Variants in DRC8 observed in about 807,000 individuals in gnomAD.
The protein encoded by DRC8 is dynein regulatory complex subunit 8.
chr1:245,089,387 A>G, the DRC8 span, among the ~76,000 whole-genome samples: 1 of 152,060 alleles, frequency 6.6e-6, no homozygotes, highest in Non-Finnish European at 1.5e-5. The surrounding 1 kb of genome is among the most constrained non-coding windows in gnomAD (Gnocchi z 4.8). Flanking sequence ...CTAGAACAAA[A>G]CCATGGGGGA....
chr1:245,002,567 C>T, the DRC8 span, among the ~76,000 whole-genome samples: 39 of 152,164 alleles, frequency 2.6e-4, no homozygotes, highest in South Asian at 6.2e-4. Context: ...TTCTGTTGCC[C>T]GAGCTGAAGT....
chr1:245,052,106 T>C, the DRC8 span, among the ~76,000 whole-genome samples: 130 of 152,132 alleles, frequency 8.5e-4, 1 homozygote, highest in Non-Finnish European at 1.7e-3. Flanking sequence ...ACTTTGGAGC[T>C]TGAGGCAAGA....
At chr1:245,109,782 C>T in the DRC8 span, among the ~76,000 whole-genome samples, 1 of 152,192 alleles carries the variant, frequency 6.6e-6, no homozygotes, top group Non-Finnish European at 1.5e-5. Context: ...GGAGACCCGG[C>T]TCTCTGCTAC....
the DRC8 span, among the ~76,000 whole-genome samples, chr1:244,982,107 G>A: frequency 6.6e-6 from 1 of 152,146 alleles, no homozygotes; most frequent in South Asian, 2.1e-4. Flanking sequence ...TTAAGGACAA[G>A]TTCTTAGGGA....
the DRC8 span, among the ~76,000 whole-genome samples, chr1:245,090,285 C>G: frequency 6.6e-6 from 1 of 152,136 alleles, no homozygotes; most frequent in African/African-American, 2.4e-5. Context: ...CCTAAAAGGG[C>G]AAGTGGCTGG....
the DRC8 span, among the ~76,000 whole-genome samples, chr1:245,074,459 C>A: frequency 1.3e-5 from 2 of 152,138 alleles, no homozygotes; most frequent in Admixed American, 6.5e-5. Flanking sequence ...CCTGAAGCCC[C>A]ACCCTCAGAG....
the DRC8 span, among the ~76,000 whole-genome samples, chr1:244,992,848 A>G: frequency 6.6e-6 from 1 of 152,192 alleles, no homozygotes; most frequent in African/African-American, 2.4e-5. Context: ...AGCAGCTAAA[A>G]CCCACAAATA....
At chr1:245,006,375 G>T in the DRC8 span, among the ~76,000 whole-genome samples, 5 of 151,882 alleles carry the variant, frequency 3.3e-5, no homozygotes, top group Non-Finnish European at 5.9e-5. Flanking sequence ...GCAATGGTGC[G>T]ATCTCCACTT....
chr1:245,076,951 T>C, the DRC8 span, among the ~76,000 whole-genome samples: 2 of 152,272 alleles, frequency 1.3e-5, no homozygotes, highest in East Asian at 3.9e-4. Context: ...GGTCTCGATC[T>C]CCTGACCTCG....
At chr1:245,033,517 C>T in the DRC8 span, among the ~76,000 whole-genome samples, 1 of 152,202 alleles carries the variant, frequency 6.6e-6, no homozygotes, top group East Asian at 1.9e-4. Context: ...GATTATCTTT[C>T]TCTTTACAGC....
At chr1:245,104,458 T>A in the DRC8 span, among the ~76,000 whole-genome samples, 3 of 150,480 alleles carry the variant, frequency 2.0e-5, no homozygotes, top group African/African-American at 7.4e-5. Context: ...GAGCGGAGAT[T>A]GCGCCACTGC....
the DRC8 span, among the ~76,000 whole-genome samples, chr1:244,981,665 A>G: frequency 1.3e-5 from 2 of 152,100 alleles, no homozygotes; most frequent in Non-Finnish European, 2.9e-5. Flanking sequence ...AATTTTGACA[A>G]ATTGGTGGAG....
At chr1:245,064,643 A>G in the DRC8 span, among the ~76,000 whole-genome samples, 4 of 152,174 alleles carry the variant, frequency 2.6e-5, no homozygotes, top group African/African-American at 4.8e-5. Flanking sequence ...TTTGAAAGTG[A>G]TTATGCTAAT....
the DRC8 span, among the ~76,000 whole-genome samples, chr1:244,996,417 C>T: frequency 1.3e-5 from 2 of 151,952 alleles, no homozygotes; most frequent in African/African-American, 2.4e-5. Context: ...AGCCAGGAGG[C>T]GGGAATCACT....
the DRC8 span, among the ~76,000 whole-genome samples, chr1:245,006,513 C>T: frequency 5.3e-5 from 8 of 152,110 alleles, no homozygotes; most frequent in African/African-American, 1.9e-4. Context: ...TCATGTTGGC[C>T]AGGCTGGTTT....
chr1:245,092,084 C>A, the DRC8 span, among the ~76,000 whole-genome samples: 9 of 152,352 alleles, frequency 5.9e-5, no homozygotes, highest in East Asian at 1.7e-3. Context: ...CGATCTTGTG[C>A]TCTGATCCCA....
the DRC8 span, among the ~76,000 whole-genome samples, chr1:245,019,714 G>A: frequency 6.6e-6 from 1 of 152,072 alleles, no homozygotes; most frequent in Non-Finnish European, 1.5e-5. Context: ...AGGCCAAGGT[G>A]GGTGGCTCAC....
the DRC8 span, among the ~76,000 whole-genome samples, chr1:245,108,157 C>T: frequency 2.0e-5 from 3 of 152,156 alleles, no homozygotes; most frequent in Non-Finnish European, 4.4e-5. Flanking sequence ...CTCTCTTTCC[C>T]TCCCTCCACC....
the DRC8 span, among the ~76,000 whole-genome samples, chr1:245,106,747 A>G: frequency 6.6e-6 from 1 of 152,212 alleles, no homozygotes; most frequent in Middle Eastern, 3.2e-3. Flanking sequence ...GGAATTAAGA[A>G]TTCATATGAT....
Sources: allele counts gnomAD v4.1 joint callset (sites outside exome capture counted in the v4.1 genomes callset), GRCh38; gene constraint gnomAD v4.1.1; non-coding constraint Gnocchi (gnomAD v3.1); transcripts MANE v1.5; gene names NCBI Gene and HGNC (gene_info 2026-07-23, HGNC 2026-07-21).